Variants in ERC2 observed in about 807,000 individuals in gnomAD.
ERC2 encodes ELKS/RAB6-interacting/CAST family member 2, also known as ERC protein 2.
A neutral mutation model predicts 114.8 loss-of-function variants in ERC2; 42 were observed. That is an observed-to-expected ratio of 0.37 (90% CI 0.29 to 0.47). The LOEUF (loss-of-function observed/expected upper bound fraction) is 0.47. Ranked by LOEUF, ERC2 falls within the 20% of genes least tolerant of loss-of-function variation. The probability of loss-of-function intolerance (pLI) is 0.99; values close to 1 mark genes in which losing one functional copy is unlikely to be tolerated. For synonymous variants in ERC2, 454 were observed against 425.5 expected (o/e 1.07, Z -0.82); for missense variants, 939 against 1,150.7 (o/e 0.82, Z 2.66).
At chr3:56,081,206 AGAC>A (rs1001588395) in intron 6 of ERC2, among the ~76,000 whole-genome samples, 1 of 152,082 alleles carries the variant, frequency 6.6e-6, no homozygotes, top group Non-Finnish European at 1.5e-5. Context: ...AAAAAAAATA[AGAC>A]TTCTTTGAAA....
At chr3:56,376,992 G>A (rs2059570795) in intron 2 of ERC2, among the ~76,000 whole-genome samples, 2 of 152,048 alleles carry the variant, frequency 1.3e-5, no homozygotes, top group South Asian at 2.1e-4. Context: ...AATTATAATG[G>A]TCCTTCAGTG....
chr3:56,021,633 G>A (rs1295637707), intron 7 of ERC2, among the ~76,000 whole-genome samples: 16 of 151,992 alleles, frequency 1.1e-4, no homozygotes, highest in Admixed American at 6.6e-4. Context: ...ATAAACACGT[G>A]TCAAGGGGGT....
At chr3:56,287,351 G>C (rs573712113) in intron 3 of ERC2, among the ~76,000 whole-genome samples, 37 of 152,336 alleles carry the variant, frequency 2.4e-4, no homozygotes, top group African/African-American at 8.7e-4. Flanking sequence ...TGAAATGGGA[G>C]AGGTCTAAGT....
intron 2 of ERC2, among the ~76,000 whole-genome samples, chr3:56,430,744 G>A (rs766286690): frequency 1.8e-4 from 27 of 152,246 alleles, no homozygotes; most frequent in Admixed American, 6.5e-5. Flanking sequence ...AGCCAGTATC[G>A]CACCACTGCA....
intron 14 of ERC2, among the ~76,000 whole-genome samples, chr3:55,861,938 G>A (rs778070857): frequency 1.2e-4 from 19 of 152,298 alleles, no homozygotes; most frequent in South Asian, 4.1e-4. Flanking sequence ...TTTATAGGCC[G>A]AATATGCCCA....
intron 3 of ERC2, among the ~76,000 whole-genome samples, chr3:56,277,956 A>T (rs1305758605): frequency 6.6e-6 from 1 of 152,090 alleles, no homozygotes; most frequent in Non-Finnish European, 1.5e-5. Context: ...TGGCCCCCTG[A>T]CTGTGACTTC....
At chr3:55,714,702 T>TATATACAC (rs1205099248) in intron 15 of ERC2, among the ~76,000 whole-genome samples, 4 of 77,398 alleles carry the variant, frequency 5.2e-5, no homozygotes, top group East Asian at 4.1e-4. Flanking sequence ...TATATATATA[T>TATATACAC]ATATATATAT....
chr3:56,275,744 G>A (rs1444467845), intron 3 of ERC2, among the ~76,000 whole-genome samples: 1 of 152,222 alleles, frequency 6.6e-6, no homozygotes, highest in African/African-American at 2.4e-5. Flanking sequence ...TTAGTAGCAA[G>A]ACTTTGAATC....
intron 3 of ERC2, among the ~76,000 whole-genome samples, chr3:56,242,257 G>C (rs1436858791): frequency 6.6e-6 from 1 of 152,104 alleles, no homozygotes; most frequent in African/African-American, 2.4e-5. Flanking sequence ...ATAAGTGGGA[G>C]GTAAGCTATG....
intron 14 of ERC2, among the ~76,000 whole-genome samples, chr3:55,840,197 C>G (rs1054280208): frequency 2.0e-5 from 3 of 151,892 alleles, no homozygotes; most frequent in Non-Finnish European, 4.4e-5. Flanking sequence ...AAAGCAGTCC[C>G]CACACTAGGT....
chr3:55,933,806 T>C (rs938363659), intron 13 of ERC2, among the ~76,000 whole-genome samples: 1 of 152,210 alleles, frequency 6.6e-6, no homozygotes, highest in African/African-American at 2.4e-5. Context: ...TGCGTGGGTA[T>C]GCAAGGCCAT....
chr3:55,857,441 T>C (rs1258939240), intron 14 of ERC2, among the ~76,000 whole-genome samples: 1 of 152,184 alleles, frequency 6.6e-6, no homozygotes, highest in Admixed American at 6.5e-5. Flanking sequence ...AGTTGTCACT[T>C]TAACCATTTT....
chr3:55,625,756 G>GA (rs1033248318), intron 17 of ERC2, among the ~76,000 whole-genome samples: 13 of 150,864 alleles, frequency 8.6e-5, no homozygotes, highest in African/African-American at 3.2e-4. Flanking sequence ...GTCTCAAAAA[G>GA]AAAAAAAAGA....
chr3:55,776,821 C>G (rs1207491239), intron 14 of ERC2, among the ~76,000 whole-genome samples: 3 of 152,164 alleles, frequency 2.0e-5, no homozygotes, highest in Non-Finnish European at 4.4e-5. Flanking sequence ...TAGCACCCAA[C>G]ATGGCAAACA....
chr3:55,556,912 A>G (rs1288591748), intron 17 of ERC2, among the ~76,000 whole-genome samples: 2 of 152,230 alleles, frequency 1.3e-5, no homozygotes, highest in African/African-American at 2.4e-5. Flanking sequence ...GGCAAAGGCT[A>G]TGAGTAAGAT....
chr3:55,715,322 G>A (rs1161133380), intron 15 of ERC2, among the ~76,000 whole-genome samples: 1 of 152,128 alleles, frequency 6.6e-6, no homozygotes, highest in Admixed American at 6.6e-5. Flanking sequence ...GTCACATCAT[G>A]GGCCTAAGAT....
intron 7 of ERC2, among the ~76,000 whole-genome samples, chr3:56,066,157 C>T (rs2076472495): frequency 6.6e-6 from 1 of 152,144 alleles, no homozygotes; most frequent in Non-Finnish European, 1.5e-5. Flanking sequence ...ATTTACATTC[C>T]CATCAACACT....
At chr3:56,161,238 A>G (rs1178109375) in intron 4 of ERC2, among the ~76,000 whole-genome samples, 4 of 152,174 alleles carry the variant, frequency 2.6e-5, no homozygotes, top group Non-Finnish European at 4.4e-5. Flanking sequence ...CCTCACAAGA[A>G]GCTGAGCAGT....
chr3:55,861,632 A>T (rs530021476), intron 14 of ERC2, among the ~76,000 whole-genome samples: 2 of 151,286 alleles, frequency 1.3e-5, no homozygotes, highest in Non-Finnish European at 2.9e-5. Flanking sequence ...TATTCATTCT[A>T]AGGTCTTTTG....
Sources: gnomAD v4.1 joint callset for allele counts (sites outside exome capture counted in the v4.1 genomes callset) on GRCh38, gnomAD v4.1.1 for gene constraint, MANE v1.5 for transcripts, NCBI Gene and HGNC (gene_info 2026-07-23, HGNC 2026-07-21) for gene names.